The following THRB variants were observed in gnomAD, a reference collection of about 807,000 sequenced individuals.
THRB encodes the protein thyroid hormone receptor beta.
THRB carries 12 observed loss-of-function variants against 47.8 expected under a neutral mutation model. The ratio of observed to expected loss-of-function variants is 0.25; its 90% CI spans 0.16 to 0.41. The LOEUF (loss-of-function observed/expected upper bound fraction) is 0.41, where lower values mean the gene tolerates loss of function less well. THRB is among the 10% of genes least tolerant of loss of function. THRB has a pLI of 1.00. For synonymous variants in THRB, 218 were observed against 212.2 expected, an observed-to-expected ratio of 1.03 and a Z score of -0.24; for missense variants, 348 against 589.2, an observed-to-expected ratio of 0.59 and a Z score of 4.24.
intron 2 of THRB, among the ~76,000 whole-genome samples, chr3:24,305,031 C>T (rs2057239199): frequency 6.6e-6 from 1 of 152,204 alleles, no homozygotes; most frequent in Admixed American, 6.5e-5. Flanking sequence ...ATCAGGATTA[C>T]ATAATTTCAC....
At chr3:24,196,255 A>C (rs2043942111) in intron 4 of THRB, among the ~76,000 whole-genome samples, 1 of 152,126 alleles carries the variant, frequency 6.6e-6, no homozygotes, top group South Asian at 2.1e-4. Flanking sequence ...GTAAACTTTG[A>C]CCTAGTCCAG....
chr3:24,315,692 C>T (rs1352753631), intron 2 of THRB, among the ~76,000 whole-genome samples: 1 of 152,224 alleles, frequency 6.6e-6, no homozygotes, highest in African/African-American at 2.4e-5. Context: ...ACCTGACATG[C>T]TACCTTATCC....
At chr3:24,223,769 T>G (rs796409806) in intron 4 of THRB, among the ~76,000 whole-genome samples, 1 of 151,942 alleles carries the variant, frequency 6.6e-6, no homozygotes, top group South Asian at 2.1e-4. Context: ...CTGTTTAAGA[T>G]AGAAAATGAA....
chr3:24,439,160 C>G (rs11707001), intron 1 of THRB, among the ~76,000 whole-genome samples: 132,455 of 152,070 alleles, frequency 0.87, 58,487 homozygotes, highest in Middle Eastern at 0.96. Flanking sequence ...TAACCTCCCA[C>G]GCATGAGGTA....
In THRB at chr3:24,139,389, C is replaced by CTTT. The variant is rs5847276; in HGVS notation, c.738+4109_738+4111dup. Reference sequence around the variant, plus strand: ...TTCTTTCTTTCTTTTTCTTTTCTTTCTTTTTTTTTTTTGAGACATGGTTTT... The same window carrying CTTT: ...TTCTTTCTTTCTTTTTCTTTTCTTTCTTTTTTTTTTTTTTTGAGACATGGTTTT... On this transcript the variant is annotated intron_variant, in intron 8 of 10. Coordinates refer to ENST00000646209, the MANE Select transcript of THRB (RefSeq NM_001354712.2). Among the ~76,000 whole-genome samples, 165 of 144,092 alleles carry CTTT rather than the reference C, an allele frequency of 1.1e-3. 4 individuals are homozygous for CTTT. In the East Asian group the frequency reaches 0.018, roughly 15 times the overall value. 94.5% of individuals were successfully genotyped at this position (144,092 alleles called of 152,430 possible).
intron 5 of THRB, among the ~76,000 whole-genome samples, chr3:24,159,524 T>C (rs2038431355): frequency 6.6e-6 from 1 of 152,204 alleles, no homozygotes; most frequent in African/African-American, 2.4e-5. Context: ...CAGACGTCAA[T>C]ATATGAACAC....
At chr3:24,477,916 T>C (rs922849118) in intron 1 of THRB, among the ~76,000 whole-genome samples, 2 of 149,956 alleles carry the variant, frequency 1.3e-5, no homozygotes, top group Non-Finnish European at 3.0e-5. Flanking sequence ...GGACAGCTAC[T>C]AGATCAGGCA....
chr3:24,299,765 G>GTT (rs1559869214), intron 2 of THRB, among the ~76,000 whole-genome samples: 1 of 46,712 alleles, frequency 2.1e-5, no homozygotes, highest in African/African-American at 1.2e-4. Flanking sequence ...GGGGAAGTAT[G>GTT]CTTTTTTATT....
intron 3 of THRB, among the ~76,000 whole-genome samples, chr3:24,272,932 T>C (rs769582151): frequency 5.3e-5 from 8 of 152,154 alleles, no homozygotes; most frequent in Non-Finnish European, 1.0e-4. Context: ...AATTAAATAT[T>C]CAGTTTTTTA....
Position 24,369,429 on chromosome 3 carries a change from A to G in THRB, c.-260-32058T>C, listed in dbSNP as rs1910853. On this transcript the variant is annotated intron_variant, in intron 1 of 10. Coordinates refer to ENST00000646209, the MANE Select transcript of THRB (RefSeq NM_001354712.2). ...GAACTCATGTCTATATTGACTGTAA[A>G]GCATGTATTATTGCACACATTGCCT... is the stretch of plus-strand genomic sequence containing the variant. 7.3e-4 allele frequency among the ~76,000 whole-genome samples: 111 copies of G among 152,306 alleles called. 2 individuals are homozygous for G. Among genetic ancestry groups the G allele is most frequent in the Admixed American group, 6.2e-3 (94 of 15,282 alleles).
In THRB at chr3:24,435,355, A is replaced by G. The variant is rs1039185586; in HGVS notation, c.-261+59297T>C. ...ACAGGAAATGCGTAGGCAGAGGGAC[A>G]CAGGAGATTAAAAAGGATGATGTCA... On this transcript the variant is annotated intron_variant, in intron 1 of 10. Coordinates refer to ENST00000646209, the MANE Select transcript of THRB (RefSeq NM_001354712.2). Among the ~76,000 whole-genome samples, 2 of 152,200 alleles carry G rather than the reference A, an allele frequency of 1.3e-5. 1 individual carries two copies. Among genetic ancestry groups the G allele is most frequent in the South Asian group, 4.1e-4 (2 of 4,832 alleles).
intron 1 of THRB, among the ~76,000 whole-genome samples, chr3:24,429,265 T>C (rs937943470): frequency 3.3e-5 from 5 of 150,252 alleles, no homozygotes; most frequent in African/African-American, 1.2e-4. Flanking sequence ...TTATATTACA[T>C]ATACATATAT....
At chr3:24,200,396 A>C (rs1380797035) in intron 4 of THRB, among the ~76,000 whole-genome samples, 1 of 152,206 alleles carries the variant, frequency 6.6e-6, no homozygotes, top group Non-Finnish European at 1.5e-5. Context: ...TTGTGGACAA[A>C]AATCAAAACT....
intron 1 of THRB, among the ~76,000 whole-genome samples, chr3:24,449,601 G>A (rs1484329372): frequency 1.3e-5 from 2 of 152,174 alleles, no homozygotes; most frequent in Non-Finnish European, 2.9e-5. Flanking sequence ...TGAAAGTCAT[G>A]TTAATGGTTT....
rs1049517757 is a variant in THRB, at chr3:24,274,973, G to A, written c.-43+22253C>T. 6.6e-5 allele frequency among the ~76,000 whole-genome samples: 10 copies of A among 152,158 alleles called. No homozygotes were observed. In the South Asian group the frequency reaches 1.7e-3, roughly 25 times the overall value. ...ATTATGTGTATGTATGAGAATTTGT[G>A]CATTCATCTATTTTTCCTTATCTAT... On this transcript the variant is annotated intron_variant, in intron 3 of 10. Transcript: ENST00000646209.
intron 5 of THRB, among the ~76,000 whole-genome samples, chr3:24,177,149 T>TATCA (rs2041268550): frequency 1.3e-5 from 2 of 152,108 alleles, no homozygotes; most frequent in Admixed American, 1.3e-4. Context: ...TAAAAATACC[T>TATCA]ATCAGCAAGC....
chr3:24,271,100 A>G (rs967290220), intron 3 of THRB, among the ~76,000 whole-genome samples: 1 of 152,184 alleles, frequency 6.6e-6, no homozygotes, highest in Non-Finnish European at 1.5e-5. Flanking sequence ...TTTTTACTGG[A>G]TATTTTCGTT....
chr3:24,400,361 T>A (rs959803911), intron 1 of THRB, among the ~76,000 whole-genome samples: 4 of 152,072 alleles, frequency 2.6e-5, no homozygotes, highest in Non-Finnish European at 5.9e-5. Context: ...AATGTAAACA[T>A]GAGACCTAGA....
chr3:24,486,871 C>G (rs1025416209), intron 1 of THRB, among the ~76,000 whole-genome samples: 8 of 152,056 alleles, frequency 5.3e-5, no homozygotes, highest in Admixed American at 5.2e-4. Flanking sequence ...AGCTACAATT[C>G]AGATATAGGT....
Sources: allele counts gnomAD v4.1 joint callset (sites outside exome capture counted in the v4.1 genomes callset), GRCh38; gene constraint gnomAD v4.1.1; transcripts MANE v1.5; gene names NCBI Gene and HGNC (gene_info 2026-07-23, HGNC 2026-07-21).